ARHGEF7: variants seen among roughly 807,000 people sequenced by gnomAD.
ARHGEF7 encodes the protein PAK-interacting exchange factor beta.
In ARHGEF7, 33 loss-of-function variants were observed where a neutral mutation model predicts 109.8. The observed-to-expected ratio is 0.30, with a 90% confidence interval of 0.23 to 0.40. ARHGEF7 has a LOEUF of 0.40. ARHGEF7 is among the 10% of genes least tolerant of loss of function. The probability of loss-of-function intolerance (pLI) is 1.00; values close to 1 mark genes in which losing one functional copy is unlikely to be tolerated. For synonymous variants in ARHGEF7, 458 were observed against 424.6 expected (o/e 1.08, Z -0.97); for missense variants, 938 against 1,098.5 (o/e 0.85, Z 2.07).
intron 1 of ARHGEF7, among the ~76,000 whole-genome samples, chr13:111,118,150 C>T (rs917447591): frequency 6.6e-6 from 1 of 152,238 alleles, no homozygotes; most frequent in South Asian, 2.1e-4. Flanking sequence ...GGGATGAGGG[C>T]AGAACTAAAA....
At chr13:111,147,660 G>GCC (rs2075666595) in intron 1 of ARHGEF7, among the ~76,000 whole-genome samples, 2 of 144,058 alleles carry the variant, frequency 1.4e-5, no homozygotes. Flanking sequence ...AGTTCCATTT[G>GCC]CCTCTTCACC....
intron 1 of ARHGEF7, among the ~76,000 whole-genome samples, chr13:111,150,061 G>C (rs1184924227): frequency 6.6e-6 from 1 of 152,172 alleles, no homozygotes; most frequent in Admixed American, 6.5e-5. Flanking sequence ...ATTGTGATCT[G>C]GCAGAGCTAC....
chr13:111,119,448 A>G (rs1352041308), intron 1 of ARHGEF7, among the ~76,000 whole-genome samples: 2 of 152,184 alleles, frequency 1.3e-5, no homozygotes, highest in Non-Finnish European at 2.9e-5. Context: ...CCTAAATAAT[A>G]GAGTCTTGGG....
intron 1 of ARHGEF7, among the ~76,000 whole-genome samples, chr13:111,135,657 CTT>C (rs1397428164): frequency 4.6e-5 from 7 of 152,206 alleles, no homozygotes; most frequent in African/African-American, 1.7e-4. Context: ...TATCCTGAGA[CTT>C]TGCTGAAGTT....
In ARHGEF7 at chr13:111,241,009, GTGTC is replaced by G; in HGVS notation, c.760-2859_760-2856del. 4.0e-6 allele frequency: 3 copies of G among 751,078 alleles called. No individual in the cohort carries two copies. In the South Asian group the frequency reaches 6.4e-5, roughly 16 times the overall value. 46.5% of individuals were successfully genotyped at this position (751,078 alleles called of 1,614,324 possible). On this transcript the variant is annotated intron_variant, in intron 6 of 21. Coordinates refer to ENST00000646102, the MANE Select transcript of ARHGEF7 (RefSeq NM_001354046.2). ...CTCCTTTAATGATGCAACGAATAAA[GTGTC>G]TGTGTCTGCGAGGCACAGCAGTGAG... is the stretch of plus-strand genomic sequence containing the variant.
chr13:111,147,963 C>T (rs1406532645), intron 1 of ARHGEF7, among the ~76,000 whole-genome samples: 1 of 152,154 alleles, frequency 6.6e-6, no homozygotes, highest in Non-Finnish European at 1.5e-5. Flanking sequence ...TCCCAAAGTG[C>T]TGGGATTACA....
rs536549079 is a variant in ARHGEF7, at chr13:111,234,823, G to A, written c.759+1530G>A. Among the ~76,000 whole-genome samples the A allele has an allele frequency of 3.1e-3, 469 of 151,862 alleles. 1 individual carries two copies. The highest frequency in any genetic ancestry group is 6.7e-3 in the African/African-American group (277 of 41,376). Reference sequence around the variant, plus strand: ...GAGAAGATCAGACTCCTTTTAGCGCGTCGTGTGGCCCACATTACCCGAGAC... The same window carrying A: ...GAGAAGATCAGACTCCTTTTAGCGCATCGTGTGGCCCACATTACCCGAGAC... On this transcript the variant is annotated intron_variant, in intron 6 of 21. Transcript: ENST00000646102.
intron 1 of ARHGEF7, among the ~76,000 whole-genome samples, chr13:111,153,212 T>C (rs192138946): frequency 1.3e-5 from 2 of 152,368 alleles, no homozygotes; most frequent in East Asian, 3.9e-4. Context: ...CCAGGTTCTC[T>C]CCCAACGATC....
At chr13:111,274,830 T>C in intron 11 of ARHGEF7, 40 bp downstream of exon 11, 1 of 1,255,878 alleles carries the variant, frequency 8.0e-7, no homozygotes. Context: ...CCAGACATTA[T>C]TGTGACAAAT....
intron 8 of ARHGEF7, among the ~76,000 whole-genome samples, chr13:111,264,371 C>G (rs1167125449): frequency 6.6e-6 from 1 of 152,174 alleles, no homozygotes; most frequent in Non-Finnish European, 1.5e-5. Context: ...GTTAACCTTA[C>G]TTGAAATAGC....
chr13:111,288,412 C>T lies in ARHGEF7; in HGVS notation c.2103C>T (p.Thr701=). 1.2e-6 allele frequency: 2 copies of T among 1,613,742 alleles called. No homozygotes were observed. The highest frequency in any genetic ancestry group is 1.7e-6 in the Non-Finnish European group (2 of 1,179,666). The part of the protein sequence containing the change: ...QILKVIEAYC[T]SAKTRQTLNS... ...TGAAAGTCATTGAAGCTTACTGCAC[C>T]AGCGCCAAAACAAGGCAAACACTCA... Residue 701 remains threonine, a synonymous_variant, in exon 18 of 22, where the codon ACC becomes ACT. Coordinates refer to ENST00000646102, the MANE Select transcript of ARHGEF7 (RefSeq NM_001354046.2).
rs1872226005 is a variant in ARHGEF7, at chr13:111,266,893, CG to C, written c.951-654del. 1 of 455,958 alleles carries C rather than the reference CG, an allele frequency of 2.2e-6. No homozygotes were observed. The highest frequency in any genetic ancestry group is 2.0e-5 in the African/African-American group (1 of 50,076). 28.2% of individuals were successfully genotyped at this position (455,958 alleles called of 1,614,324 possible). ...AAACTCTGAGGTCTGGAGAGGTGAG[CG>C]TGTACCCCGTTAGGCACACCCAACA... On this transcript the variant is annotated intron_variant, in intron 8 of 21. Transcript: ENST00000646102. This position sits in a 1 kb window ranked among gnomAD's most constrained non-coding sequence, Gnocchi z 4.8.
chr13:111,243,152 C>CT (rs1392131361), intron 6 of ARHGEF7, among the ~76,000 whole-genome samples: 1 of 152,090 alleles, frequency 6.6e-6, no homozygotes, highest in African/African-American at 2.4e-5. Flanking sequence ...GTGTCTGAGA[C>CT]TGTCATATTC....
intron 2 of ARHGEF7, among the ~76,000 whole-genome samples, chr13:111,176,030 A>T (rs56366615): frequency 4.6e-5 from 7 of 152,068 alleles, no homozygotes; most frequent in African/African-American, 1.7e-4. Context: ...CCATGATTCA[A>T]TTACCTCCCA....
At chr13:111,184,546 T>C (rs2079064319) in intron 2 of ARHGEF7, among the ~76,000 whole-genome samples, 1 of 152,188 alleles carries the variant, frequency 6.6e-6, no homozygotes, top group East Asian at 1.9e-4. Flanking sequence ...CCTGAAACCC[T>C]TAGCCGGTCT....
In ARHGEF7 at chr13:111,292,181, A is replaced by G; in HGVS notation, c.2198A>G (p.Asp733Gly). The change falls in exon 19 of 22, where the codon GAC becomes GGC. Residue 733 changes from aspartate (D) to glycine (G), a missense_variant. By Grantham distance (94) the Asp-to-Gly change is moderately conservative. Around this residue, in one of 4 missense-constraint regions of ARHGEF7, gnomAD observed 166 missense variants for 167.3 expected, o/e 0.99. Transcript: ENST00000646102. ...VLADDDQPSL[D>G]SLGRRSSLSR... ...GCTGATGATGACCAACCAAGCCTAGACTCCCTGGGGCGTCGCAGTAGCCTT... is the reference window on the plus strand; with the variant it reads ...GCTGATGATGACCAACCAAGCCTAGGCTCCCTGGGGCGTCGCAGTAGCCTT... 1 of 1,613,248 alleles carries G rather than the reference A, an allele frequency of 6.2e-7. No individual in the cohort carries two copies. Among genetic ancestry groups the G allele is most frequent in the Non-Finnish European group, 8.5e-7 (1 of 1,179,880 alleles).
intron 2 of ARHGEF7, among the ~76,000 whole-genome samples, chr13:111,191,169 C>T (rs964584828): frequency 3.7e-4 from 56 of 151,932 alleles, no homozygotes; most frequent in Non-Finnish European, 6.5e-4. Context: ...TTGGGGGGCC[C>T]TGAGAAGTGG....
At chr13:111,201,048 C>T (rs186097997) in intron 2 of ARHGEF7, among the ~76,000 whole-genome samples, 17 of 152,270 alleles carry the variant, frequency 1.1e-4, no homozygotes, top group East Asian at 5.8e-4. Flanking sequence ...TGCCCTTGGT[C>T]GTCCTCCATG....
chr13:111,150,270 C>T (rs867982169), intron 1 of ARHGEF7, among the ~76,000 whole-genome samples: 2 of 152,338 alleles, frequency 1.3e-5, no homozygotes, highest in South Asian at 4.1e-4. Flanking sequence ...TCTTCCATGT[C>T]ATTGAAAATG....
Sources: allele counts gnomAD v4.1 joint callset (sites outside exome capture counted in the v4.1 genomes callset), GRCh38; gene constraint gnomAD v4.1.1; regional missense constraint gnomAD v4.1.1; non-coding constraint Gnocchi (gnomAD v3.1); transcripts MANE v1.5; gene names NCBI Gene and HGNC (gene_info 2026-07-23, HGNC 2026-07-21).